Variants in EIF3L observed in about 807,000 individuals in gnomAD.
The protein encoded by EIF3L is eIEF associated protein HSPC021.
A neutral mutation model predicts 74.6 loss-of-function variants in EIF3L; 32 were observed. That is an observed-to-expected ratio of 0.43 (90% CI 0.32 to 0.58). EIF3L has a LOEUF of 0.58. Ranked by LOEUF, EIF3L falls within the 20% of genes least tolerant of loss-of-function variation. The probability of loss-of-function intolerance (pLI) is 0.06; values close to 1 mark genes in which losing one functional copy is unlikely to be tolerated. For missense variants in EIF3L, 474 were observed against 707.8 expected (o/e 0.67, Z 3.75); for synonymous variants, 256 against 254.4 (o/e 1.01, Z -0.06).
At chr22:37,858,761 G>GTTT in intron 5 of EIF3L, 21 bp downstream of exon 5, 1 of 1,419,440 alleles carries the variant, frequency 7.0e-7, no homozygotes, top group Admixed American at 2.1e-5. Context: ...AAGTGTCGCA[G>GTTT]TTTTTTTTTT....
intron 3 of EIF3L, among the ~76,000 whole-genome samples, chr22:37,852,495 A>C (rs562028269): frequency 6.6e-6 from 1 of 152,350 alleles, no homozygotes; most frequent in Admixed American, 6.5e-5. Flanking sequence ...TAGGTCAGTC[A>C]AAGCTGGGAT....
At chr22:37,860,305 C>G (rs1925788614) in intron 5 of EIF3L, among the ~76,000 whole-genome samples, 1 of 152,202 alleles carries the variant, frequency 6.6e-6, no homozygotes, top group Non-Finnish European at 1.5e-5. Context: ...TGATATCCAG[C>G]AAATCCTGTT....
At chr22:37,859,615 C>G (rs1210942852) in intron 5 of EIF3L, among the ~76,000 whole-genome samples, 4 of 151,568 alleles carry the variant, frequency 2.6e-5, no homozygotes, top group Non-Finnish European at 4.4e-5. Flanking sequence ...ATCTCCTGAC[C>G]TCGTGTTCCG....
intron 5 of EIF3L, among the ~76,000 whole-genome samples, chr22:37,862,519 G>A (rs1925911591): frequency 6.6e-6 from 1 of 152,198 alleles, no homozygotes; most frequent in Non-Finnish European, 1.5e-5. Flanking sequence ...AAAACAGGTG[G>A]CGGAATAGAT....
At position 37,877,717 on chromosome 22, in the gene EIF3L, C is replaced by G; in HGVS notation, c.1121C>G (p.Ala374Gly). 2 of 1,612,398 alleles carry G rather than the reference C, an allele frequency of 1.2e-6. No homozygotes were observed. Among genetic ancestry groups the G allele is most frequent in the Non-Finnish European group, 1.7e-6 (2 of 1,179,082 alleles). The change falls in exon 11 of 13, where the codon GCC becomes GGC. Residue 374 changes from alanine (A) to glycine (G), a missense_variant. This residue lies in a region of EIF3L where 293 missense variants were observed against 469.1 expected (regional missense o/e 0.62). Coordinates refer to ENST00000652021, the MANE Select transcript of EIF3L (RefSeq NM_016091.4). ...CAGATGCATGCGCTGCTGGCCATTG[C>G]CCTCACGATGTACCCCATGCGTATT... ...NEQMHALLAI[A>G]LTMYPMRIDE...
intron 9 of EIF3L, 79 bp from the exon 10 acceptor site, chr22:37,875,762 A>G (rs1431780903): frequency 1.2e-5 from 17 of 1,425,222 alleles, no homozygotes; most frequent in Non-Finnish European, 1.3e-5. Context: ...TCTGCAGGGA[A>G]AACTCTTGGT....
rs755402882 is a variant in EIF3L, at chr22:37,849,462, G to A, written c.13G>A (p.Ala5Thr). 6.2e-7 allele frequency: 1 copy of A among 1,611,740 alleles called. No individual in the cohort carries two copies. The highest frequency in any genetic ancestry group is 8.5e-7 in the Non-Finnish European group (1 of 1,178,740). Residue 5 changes from alanine (A) to threonine (T), a missense_variant, in exon 1 of 13, where the codon GCT (alanine) becomes ACT (threonine). This residue lies in a region of EIF3L where 39 missense variants were observed against 24.2 expected (regional missense o/e 1.61). Coordinates refer to ENST00000652021, the MANE Select transcript of EIF3L (RefSeq NM_016091.4). MSYP[A>T]DDYESEAAYD... ...AAGCGAGGCAGCCATGTCTTATCCC[G>A]CTGATGATTATGAGTCTGAGGTAAG... is the stretch of plus-strand genomic sequence containing the variant.
intron 11 of EIF3L, chr22:37,879,716 C>G (rs1926946936): frequency 6.6e-6 from 1 of 151,984 alleles, no homozygotes; most frequent in African/African-American, 2.4e-5. Flanking sequence ...AGCCATTGTC[C>G]TGCTGCCTTC....
chr22:37,856,004 T>G (rs1925481590), intron 4 of EIF3L, among the ~76,000 whole-genome samples: 2 of 151,954 alleles, frequency 1.3e-5, no homozygotes, highest in Admixed American at 6.6e-5. Context: ...ATTATTTTGC[T>G]TGTGGATATT....
At chr22:37,860,652 C>T (rs1429192967) in intron 5 of EIF3L, among the ~76,000 whole-genome samples, 2 of 152,190 alleles carry the variant, frequency 1.3e-5, no homozygotes, top group Non-Finnish European at 2.9e-5. Flanking sequence ...AGATTACAGG[C>T]GTGAGCCACT....
chr22:37,888,602 G>A lies in EIF3L; in HGVS notation c.*138G>A, dbSNP rs2145850727. 1.2e-6 allele frequency: 1 copy of A among 850,384 alleles called. No homozygotes were observed. The highest frequency in any genetic ancestry group is 1.9e-6 in the Non-Finnish European group (1 of 526,848). The allele number at this position is 850,384 out of a possible 1,614,324, so 52.7% of individuals were successfully genotyped here. On this transcript the variant is annotated 3_prime_UTR_variant, in exon 13 of 13. Coordinates refer to ENST00000652021, the MANE Select transcript of EIF3L (RefSeq NM_016091.4). ...AGTTAAGGACCGAAGTGTTTCAAGT[G>A]GATCTCAGTAAAGGATCTTTGGAGC... is the stretch of plus-strand genomic sequence containing the variant.
intron 7 of EIF3L, among the ~76,000 whole-genome samples, chr22:37,865,468 A>T (rs984780224): frequency 6.6e-6 from 1 of 152,142 alleles, no homozygotes; most frequent in Non-Finnish European, 1.5e-5. Context: ...CAAAAAAAAA[A>T]CCAAAAAAAA....
intron 8 of EIF3L, among the ~76,000 whole-genome samples, chr22:37,871,855 C>T (rs552233452): frequency 1.2e-4 from 16 of 131,378 alleles, no homozygotes; most frequent in Admixed American, 2.8e-4. Flanking sequence ...AGTGACAGAG[C>T]GAGACTCTGT....
chr22:37,860,855 G>A (rs372394647), intron 5 of EIF3L, among the ~76,000 whole-genome samples: 1 of 152,060 alleles, frequency 6.6e-6, no homozygotes, highest in South Asian at 2.1e-4. Context: ...GTTTCATCAG[G>A]TCACTTCCAA....
intron 12 of EIF3L, chr22:37,888,189 G>A: frequency 4.2e-6 from 2 of 479,754 alleles, no homozygotes; most frequent in Admixed American, 3.8e-5. Context: ...GATGGATAGA[G>A]CAGTGTTGTG....
At chr22:37,886,264 A>T (rs1180582120) in intron 11 of EIF3L, 2 of 151,450 alleles carry the variant, frequency 1.3e-5, no homozygotes, top group African/African-American at 2.4e-5. Flanking sequence ...AAATGAATTG[A>T]TAAAAAAAAT....
chr22:37,875,419 G>GGTATGTTCATT (rs1926694576), intron 9 of EIF3L, among the ~76,000 whole-genome samples: 1 of 151,888 alleles, frequency 6.6e-6, no homozygotes, highest in Non-Finnish European at 1.5e-5. Context: ...ATTCTAAGAT[G>GGTATGTTCATT]GTATGTTCAT....
At position 37,851,254 on chromosome 22, in the gene EIF3L, CTG is replaced by C. The variant is rs753072745; in HGVS notation, c.83-24_83-23del. 5 of 1,604,134 alleles carry C rather than the reference CTG, an allele frequency of 3.1e-6. No individual in the cohort carries two copies. The South Asian group carries it at 5.5e-5, about 18-fold the overall frequency. ...TCATATATGTGGGTTTGAGCATACT[CTG>C]TATTTGTTGTATCCAACCTCCAGGA... On this transcript the variant is annotated intron_variant, in intron 2 of 12. Transcript: ENST00000652021.
Position 37,888,689 on chromosome 22 carries a change from C to T in EIF3L, c.*225C>T, listed in dbSNP as rs1927445893. 1.8e-6 allele frequency: 1 copy of T among 568,666 alleles called. No individual in the cohort carries two copies. Among genetic ancestry groups the T allele is most frequent in the African/African-American group, 1.9e-5 (1 of 53,268 alleles). The allele number at this position is 568,666 out of a possible 1,614,324, so 35.2% of individuals were successfully genotyped here. A position where few individuals can be genotyped will look rare whatever the true frequency, so the allele number is the denominator to read the frequency against. ...TGGGTTGTGGCAGTAATACATTTCCCATGTGTCCTGATGCTTTCAGGATAC... is the reference window on the plus strand; with the variant it reads ...TGGGTTGTGGCAGTAATACATTTCCTATGTGTCCTGATGCTTTCAGGATAC... On this transcript the variant is annotated 3_prime_UTR_variant, in exon 13 of 13. Transcript: ENST00000652021.
Sources: gnomAD v4.1 joint callset for allele counts (sites outside exome capture counted in the v4.1 genomes callset) on GRCh38, gnomAD v4.1.1 for gene constraint, gnomAD v4.1.1 regional missense constraint, MANE v1.5 for transcripts, NCBI Gene and HGNC (gene_info 2026-07-23, HGNC 2026-07-21) for gene names.